Variants in FGF12 observed in about 807,000 individuals in gnomAD.
The protein encoded by FGF12 is fibroblast growth factor 12B.
Under a neutral mutation model 23.6 loss-of-function variants are expected in FGF12, and 14 were observed. The ratio of observed to expected loss-of-function variants is 0.59; its 90% CI spans 0.39 to 0.93. The LOEUF (loss-of-function observed/expected upper bound fraction) is 0.93, where lower values mean the gene tolerates loss of function less well. Ranked by LOEUF, FGF12 falls within the 40% of genes least tolerant of loss-of-function variation. The pLI is 0.00. For synonymous variants in FGF12, 62 were observed against 77.3 expected, an observed-to-expected ratio of 0.80 and a Z score of 1.04; for missense variants, 175 against 217.8, an observed-to-expected ratio of 0.80 and a Z score of 1.24.
rs1713242570 is a variant in FGF12 at position 192,139,425 on chromosome 3, ATTAAT to A, written c.*4579_*4583del. ...CTGTGCTTTAATGGAAAAATGAAAC[ATTAAT>A]TTGTTTAGTTTCTCATACAACATGT... On this transcript the variant is annotated 3_prime_UTR_variant, in exon 6 of 6. Coordinates refer to ENST00000445105, the MANE Select transcript of FGF12 (RefSeq NM_004113.6). 1 of 152,196 alleles carries A rather than the reference ATTAAT, an allele frequency of 6.6e-6. No homozygotes were observed. The highest frequency in any genetic ancestry group is 6.5e-5 in the Admixed American group (1 of 15,288). 9.4% of individuals were successfully genotyped at this position (152,196 alleles called of 1,614,324 possible). A position where few individuals can be genotyped will look rare whatever the true frequency, so the allele number is the denominator to read the frequency against.
At chr3:192,324,700 T>A (rs1716731273) in intron 4 of FGF12, among the ~76,000 whole-genome samples, 1 of 152,212 alleles carries the variant, frequency 6.6e-6, no homozygotes, top group African/African-American at 2.4e-5. Context: ...TACTTAATAT[T>A]CCCTGATTCA....
intron 2 of FGF12, among the ~76,000 whole-genome samples, chr3:192,363,039 T>C (rs571999834): frequency 7.0e-6 from 1 of 142,702 alleles, no homozygotes; most frequent in South Asian, 2.2e-4. Context: ...AATTGAACAA[T>C]GAGAACACTT....
intron 2 of FGF12, among the ~76,000 whole-genome samples, chr3:192,602,534 C>G (rs1306483037): frequency 6.6e-6 from 1 of 152,088 alleles, no homozygotes; most frequent in Non-Finnish European, 1.5e-5. Context: ...TGAATTAACG[C>G]TGATAAGAAG....
chr3:192,146,963 A>G (rs1713761688), intron 5 of FGF12, among the ~76,000 whole-genome samples: 1 of 152,230 alleles, frequency 6.6e-6, no homozygotes, highest in Non-Finnish European at 1.5e-5. Flanking sequence ...GGAGTAATAA[A>G]ATTAACGGTT....
intron 2 of FGF12, among the ~76,000 whole-genome samples, chr3:192,521,734 T>G (rs912773339): frequency 6.6e-6 from 1 of 152,148 alleles, no homozygotes; most frequent in Non-Finnish European, 1.5e-5. Context: ...AGTCACAGCT[T>G]CCTCGTAGTT....
intron 3 of FGF12, among the ~76,000 whole-genome samples, chr3:192,345,051 A>C (rs1378555578): frequency 6.6e-6 from 1 of 152,172 alleles, no homozygotes; most frequent in African/African-American, 2.4e-5. Context: ...TGAAGCTTTT[A>C]GATTTGCATC....
intron 4 of FGF12, among the ~76,000 whole-genome samples, chr3:192,176,528 T>C (rs1289248147): frequency 6.6e-6 from 1 of 152,218 alleles, no homozygotes; most frequent in Non-Finnish European, 1.5e-5. Context: ...AAAGGTTATG[T>C]GGTGAGATAG....
chr3:192,708,124 C>T (rs1718540226), intron 2 of FGF12, among the ~76,000 whole-genome samples: 1 of 151,872 alleles, frequency 6.6e-6, no homozygotes, highest in African/African-American at 2.4e-5. Flanking sequence ...CACACCCGGC[C>T]AATTTTTTGT....
intron 2 of FGF12, among the ~76,000 whole-genome samples, chr3:192,691,517 A>C (rs551393847): frequency 1.3e-5 from 2 of 152,102 alleles, no homozygotes; most frequent in Non-Finnish European, 2.9e-5. Context: ...ACACACTAAA[A>C]ACTATGGATA....
At chr3:192,237,330 A>G (rs1026882248) in intron 4 of FGF12, among the ~76,000 whole-genome samples, 1 of 152,032 alleles carries the variant, frequency 6.6e-6, no homozygotes, top group Non-Finnish European at 1.5e-5. Context: ...GTCATCTTGT[A>G]TAGTATTTTG....
chr3:192,706,686 G>A (rs907798784), intron 2 of FGF12, among the ~76,000 whole-genome samples: 2 of 152,036 alleles, frequency 1.3e-5, no homozygotes, highest in African/African-American at 4.8e-5. Context: ...ATTTACCTCC[G>A]CTTACAACAC....
At chr3:192,271,658 A>G (rs1577305185) in intron 4 of FGF12, among the ~76,000 whole-genome samples, 1 of 152,136 alleles carries the variant, frequency 6.6e-6, no homozygotes, top group African/African-American at 2.4e-5. Flanking sequence ...TTAGATATCA[A>G]TTCAAATATT....
intron 4 of FGF12, among the ~76,000 whole-genome samples, chr3:192,323,541 T>C (rs1052843996): frequency 6.6e-6 from 1 of 151,678 alleles, no homozygotes; most frequent in African/African-American, 2.4e-5. Context: ...GAGAGTAGAA[T>C]GATGCTTACC....
intron 2 of FGF12, among the ~76,000 whole-genome samples, chr3:192,707,639 T>C (rs1376261210): frequency 4.0e-5 from 6 of 149,168 alleles, no homozygotes; most frequent in Admixed American, 1.4e-4. Flanking sequence ...CCAGCTACTC[T>C]GGAGGCTGAG....
chr3:192,598,661 C>T (rs1469430343), intron 2 of FGF12, among the ~76,000 whole-genome samples: 1 of 152,208 alleles, frequency 6.6e-6, no homozygotes, highest in Non-Finnish European at 1.5e-5. Context: ...GTCTGCATTT[C>T]TAAGAAAAGT....
chr3:192,670,102 T>C (rs554030279), intron 2 of FGF12, among the ~76,000 whole-genome samples: 1 of 152,212 alleles, frequency 6.6e-6, no homozygotes, highest in Non-Finnish European at 1.5e-5. Context: ...CGAGGCTGGA[T>C]TTTTTAGTAT....
chr3:192,215,408 T>G (rs563584279), intron 4 of FGF12, among the ~76,000 whole-genome samples: 1 of 152,356 alleles, frequency 6.6e-6, no homozygotes, highest in East Asian at 1.9e-4. Context: ...ACCTTAGCAC[T>G]ATAATTGATG....
At chr3:192,210,145 T>C (rs961019431) in intron 4 of FGF12, among the ~76,000 whole-genome samples, 8 of 152,080 alleles carry the variant, frequency 5.3e-5, no homozygotes, top group Non-Finnish European at 8.8e-5. Context: ...AAAAACATAG[T>C]GAGCATTGCC....
intron 2 of FGF12, among the ~76,000 whole-genome samples, chr3:192,489,762 A>G (rs1723744554): frequency 6.6e-6 from 1 of 152,002 alleles, no homozygotes; most frequent in African/African-American, 2.4e-5. Flanking sequence ...ATGGCAACAC[A>G]CTAAAGATAC....
Sources: gnomAD v4.1 joint callset for allele counts (sites outside exome capture counted in the v4.1 genomes callset) on GRCh38, gnomAD v4.1.1 for gene constraint, MANE v1.5 for transcripts, NCBI Gene and HGNC (gene_info 2026-07-23, HGNC 2026-07-21) for gene names.